Variants in RPP14 observed in about 807,000 individuals in gnomAD.
The protein encoded by RPP14 is ribonuclease P protein subunit p14.
A neutral mutation model predicts 17.8 loss-of-function variants in RPP14; 19 were observed. The observed-to-expected ratio is 1.07, with a 90% CI of 0.74 to 1.57. RPP14 has a LOEUF of 1.57. Among genes scored for constraint, RPP14 ranks in the 40% most tolerant of loss-of-function variants. The pLI, the probability that RPP14 is intolerant of heterozygous loss-of-function variation, is 0.00. For missense variants in RPP14, 125 were observed against 140.8 expected, an observed-to-expected ratio of 0.89 and a Z score of 0.57; for synonymous variants, 60 against 56.4, an observed-to-expected ratio of 1.06 and a Z score of -0.29.
At chr3:58,309,006 T>C (rs1390968200) in intron 1 of RPP14, among the ~76,000 whole-genome samples, 1 of 152,240 alleles carries the variant, frequency 6.6e-6, no homozygotes, top group East Asian at 1.9e-4. Context: ...AGAAGCTGCA[T>C]TGAGTGCCCC....
At chr3:58,316,625 A>G in intron 4 of RPP14, 34 bp downstream of exon 4, 2 of 1,567,080 alleles carry the variant, frequency 1.3e-6, no homozygotes, top group Middle Eastern at 1.7e-4. Flanking sequence ...CTAGTATAAC[A>G]GGGCAGAGAG....
At chr3:58,310,229 C>G (rs770557650) in intron 1 of RPP14, 80 bp from the exon 2 acceptor site, 21 of 1,152,914 alleles carry the variant, frequency 1.8e-5, no homozygotes, top group Non-Finnish European at 2.7e-5. Context: ...CAAAAAAAAC[C>G]CAAATAGGCC....
chr3:58,312,992 G>A (rs1173056288), intron 3 of RPP14, among the ~76,000 whole-genome samples: 16 of 141,814 alleles, frequency 1.1e-4, no homozygotes, highest in African/African-American at 4.2e-4. Context: ...GGCTGGGCAC[G>A]GTAGCTCACG....
rs1199379753 is a variant in RPP14 at position 58,316,447 on chromosome 3, T to G, written c.163-68T>G. The G allele has an allele frequency of 2.8e-6, 4 of 1,420,966 alleles. No homozygotes were observed. In the Admixed American group the frequency reaches 6.8e-5, roughly 24 times the overall value. 88.0% of individuals were successfully genotyped at this position (1,420,966 alleles called of 1,614,324 possible). On this transcript the variant is annotated intron_variant, in intron 3 of 5. Coordinates refer to ENST00000295959, the MANE Select transcript of RPP14 (RefSeq NM_007042.6). ...AGAAAAGCTCAAAACTCATTTGTTG[T>G]CAAAAGTTGACAAGCATTCAAGAAT...
chr3:58,311,134 T>C (rs907764585), intron 3 of RPP14, among the ~76,000 whole-genome samples: 1 of 76,464 alleles, frequency 1.3e-5, no homozygotes, highest in Admixed American at 1.3e-4. Flanking sequence ...TGAAATCTAC[T>C]TTTTGTTGTT....
At chr3:58,306,874 A>G (rs1287792359) in intron 1 of RPP14, among the ~76,000 whole-genome samples, 1 of 152,246 alleles carries the variant, frequency 6.6e-6, no homozygotes, top group Non-Finnish European at 1.5e-5. Context: ...AGTACAGATA[A>G]AGATAAACGA....
chr3:58,313,924 T>C (rs2097485104), intron 3 of RPP14, among the ~76,000 whole-genome samples: 1 of 152,268 alleles, frequency 6.6e-6, no homozygotes, highest in Non-Finnish European at 1.5e-5. Flanking sequence ...CAGTGGCTCA[T>C]GCCCGTAATC....
intron 3 of RPP14, among the ~76,000 whole-genome samples, chr3:58,313,518 A>G (rs1265185125): frequency 6.6e-6 from 1 of 152,190 alleles, no homozygotes; most frequent in African/African-American, 2.4e-5. Flanking sequence ...TTACTCTGCA[A>G]AAGACTCTTA....
intron 1 of RPP14, among the ~76,000 whole-genome samples, chr3:58,307,201 G>A (rs2097476240): frequency 6.6e-6 from 1 of 152,164 alleles, no homozygotes; most frequent in African/African-American, 2.4e-5. Context: ...GGTGTAGAGG[G>A]AGCAGTCCTG....
At chr3:58,314,901 G>A (rs1177945793) in intron 3 of RPP14, among the ~76,000 whole-genome samples, 2 of 151,874 alleles carry the variant, frequency 1.3e-5, no homozygotes, top group Non-Finnish European at 2.9e-5. Context: ...TGACCAGGAT[G>A]GTCTCAATCT....
chr3:58,313,882 T>C (rs1328640578), intron 3 of RPP14, among the ~76,000 whole-genome samples: 1 of 151,772 alleles, frequency 6.6e-6, no homozygotes. Context: ...GACTATAGTG[T>C]CTAGAATATA....
chr3:58,311,357 G>A (rs145804236), intron 3 of RPP14, among the ~76,000 whole-genome samples: 1 of 152,314 alleles, frequency 6.6e-6, no homozygotes, highest in African/African-American at 2.4e-5. Flanking sequence ...GTTTCGTCAT[G>A]TTGGCCAGGC....
rs2097489623 is a variant in RPP14, at chr3:58,317,553, C to T, written c.*57C>T. ...CCACTCTCATATTTATTTTTTGGTGCCTGCATGTTTGAAGACTGAAGCAGG... is the reference window on the plus strand; with the variant it reads ...CCACTCTCATATTTATTTTTTGGTGTCTGCATGTTTGAAGACTGAAGCAGG... On this transcript the variant is annotated 3_prime_UTR_variant, in exon 6 of 6. Coordinates refer to ENST00000295959, the MANE Select transcript of RPP14 (RefSeq NM_007042.6). 8.3e-7 allele frequency: 1 copy of T among 1,205,814 alleles called. No homozygotes were observed. The highest frequency in any genetic ancestry group is 1.2e-6 in the Non-Finnish European group (1 of 821,602). 74.7% of individuals were successfully genotyped at this position (1,205,814 alleles called of 1,614,324 possible). A position where few individuals can be genotyped will look rare whatever the true frequency, so the allele number is the denominator to read the frequency against.
intron 4 of RPP14, 104 bp from the exon 5 acceptor site, chr3:58,316,811 G>GGTTA: frequency 9.4e-7 from 1 of 1,060,194 alleles, no homozygotes; most frequent in Non-Finnish European, 1.4e-6. Context: ...TCCCATTGAT[G>GGTTA]GTTATAGTTG....
chr3:58,312,406 C>A, intron 3 of RPP14, among the ~76,000 whole-genome samples: 1 of 135,796 alleles, frequency 7.4e-6, no homozygotes, highest in East Asian at 2.2e-4. Context: ...ACTACAGGTA[C>A]CTGCCACCAC....
chr3:58,315,522 A>G (rs536571614), intron 3 of RPP14, among the ~76,000 whole-genome samples: 144 of 152,298 alleles, frequency 9.5e-4, no homozygotes, highest in South Asian at 8.3e-4. Context: ...AGGTATAAAT[A>G]GGAGTAGACA....
chr3:58,308,779 TAAAC>T (rs145815642), intron 1 of RPP14, among the ~76,000 whole-genome samples: 10,544 of 152,210 alleles, frequency 0.069, 464 homozygotes, highest in Middle Eastern at 0.088. Flanking sequence ...ATCCATATAT[TAAAC>T]AAATAGACAG....
chr3:58,317,665 AC>A lies in RPP14; in HGVS notation c.*170del. On this transcript the variant is annotated 3_prime_UTR_variant, in exon 6 of 6. Coordinates refer to ENST00000295959, the MANE Select transcript of RPP14 (RefSeq NM_007042.6). ...CCTTTGGTGGGGTGGGCTTCGGAGG[AC>A]AGTCTGTCTGAACCTGCCAGTGCTG... The A allele has an allele frequency of 1.4e-6, 1 of 708,290 alleles. No homozygotes were observed. Among genetic ancestry groups the A allele is most frequent in the Admixed American group, 2.0e-5 (1 of 49,964 alleles). 43.9% of individuals were successfully genotyped at this position (708,290 alleles called of 1,614,324 possible).
chr3:58,318,153 C>A lies in RPP14; in HGVS notation c.*657C>A. The A allele has an allele frequency of 1.6e-6, 1 of 616,652 alleles. No individual in the cohort carries two copies. The highest frequency in any genetic ancestry group is 2.9e-6 in the Non-Finnish European group (1 of 348,286). 38.2% of individuals were successfully genotyped at this position (616,652 alleles called of 1,614,324 possible). A position where few individuals can be genotyped will look rare whatever the true frequency, so the allele number is the denominator to read the frequency against. Reference sequence around the variant, plus strand: ...GTTTTAAAGATGCAACCTCAAACACCAATGCTGTTGTTAAAGAGCCTATGG... The same window carrying A: ...GTTTTAAAGATGCAACCTCAAACACAAATGCTGTTGTTAAAGAGCCTATGG... On this transcript the variant is annotated 3_prime_UTR_variant, in exon 6 of 6. Transcript: ENST00000295959.
Sources: gnomAD v4.1 joint callset for allele counts (sites outside exome capture counted in the v4.1 genomes callset) on GRCh38, gnomAD v4.1.1 for gene constraint, MANE v1.5 for transcripts, NCBI Gene and HGNC (gene_info 2026-07-23, HGNC 2026-07-21) for gene names.